The following PCDHA11 variants were observed in gnomAD, a reference collection of about 807,000 sequenced individuals.
PCDHA11 encodes protocadherin alpha-11.
A neutral mutation model predicts 70.3 loss-of-function variants in PCDHA11; 61 were observed. The observed-to-expected ratio is 0.87, with a 90% CI of 0.71 to 1.07. The LOEUF is 1.07. PCDHA11 is among the 50% of genes least tolerant of loss of function. The pLI, the probability that PCDHA11 is intolerant of heterozygous loss-of-function variation, is 0.00. For synonymous variants in PCDHA11, 633 were observed against 555.1 expected (o/e 1.14, Z -1.97); for missense variants, 1,324 against 1,237.5 (o/e 1.07, Z -1.05).
intron 1 of PCDHA11, among the ~76,000 whole-genome samples, chr5:140,938,177 C>A (rs1165477047): frequency 6.6e-6 from 1 of 152,110 alleles, no homozygotes; most frequent in African/African-American, 2.4e-5. Flanking sequence ...AGCTCCTGGG[C>A]TCAAGCAATC....
intron 1 of PCDHA11, among the ~76,000 whole-genome samples, chr5:140,941,246 T>C (rs1332165821): frequency 7.1e-6 from 1 of 141,078 alleles, no homozygotes; most frequent in East Asian, 2.0e-4. Flanking sequence ...TTTCTTTCTT[T>C]CTTTCTTTCT....
intron 3 of PCDHA11, among the ~76,000 whole-genome samples, chr5:140,988,127 C>T (rs1285717954): frequency 2.0e-5 from 3 of 152,120 alleles, no homozygotes; most frequent in African/African-American, 7.2e-5. Flanking sequence ...GCATGCTGTT[C>T]CACTAACCTG....
In PCDHA11 at chr5:140,869,094, T is replaced by C. The variant is rs2050847018; in HGVS notation, c.-10T>C. ...AAAGAAGCTTATTTTGGAAGCCAAT[T>C]TCGTATGCGATGTTTGGTTTTCAGA... On this transcript the variant is annotated 5_prime_UTR_variant, in exon 1 of 4. Coordinates refer to ENST00000398640, the MANE Select transcript of PCDHA11 (RefSeq NM_018902.5). The C allele has an allele frequency of 6.3e-7, 1 of 1,592,284 alleles. No homozygotes were observed. The highest frequency in any genetic ancestry group is 8.6e-7 in the Non-Finnish European group (1 of 1,168,828).
chr5:140,954,488 T>C (rs1270188262), intron 1 of PCDHA11, among the ~76,000 whole-genome samples: 1 of 152,246 alleles, frequency 6.6e-6, no homozygotes, highest in Non-Finnish European at 1.5e-5. Flanking sequence ...AGATATTTCA[T>C]TGTGGTTTTG....
rs781872546 is a variant in PCDHA11 at position 140,871,459 on chromosome 5, G to A, written c.2356G>A (p.Glu786Lys). Residue 786 changes from glutamate (E) to lysine (K), a missense_variant, in exon 1 of 4, where the codon GAA becomes AAA. Glu to Lys is a moderately conservative substitution (Grantham distance 56, BLOSUM62 1). Coordinates refer to ENST00000398640, the MANE Select transcript of PCDHA11 (RefSeq NM_018902.5). The part of the protein sequence containing the change: ...PLGLNKEEEG[E>K]RQEPGSNHPG... ...AGGTCTGAATAAAGAGGAGGAAGGG[G>A]AAAGACAGGAGCCAGGGTCAAATCA... 10 of 1,605,178 alleles carry A rather than the reference G, an allele frequency of 6.2e-6. No homozygotes were observed. The highest frequency in any genetic ancestry group is 1.7e-5 in the Admixed American group (1 of 58,460).
In PCDHA11 at chr5:140,927,952, G is replaced by C. The variant is rs1352026553; in HGVS notation, c.2392-50997G>C. 6 of 1,614,064 alleles carry C rather than the reference G, an allele frequency of 3.7e-6. No homozygotes were observed. In the African/African-American group the frequency reaches 8.0e-5, roughly 22 times the overall value. On this transcript the variant is annotated intron_variant, in intron 1 of 3. Coordinates refer to ENST00000398640, the MANE Select transcript of PCDHA11 (RefSeq NM_018902.5). ...TTCGAACCCAGTACCTGAGGACGCTGCCCCTGGCACAGTGATTGCTCTCTT... is the reference window on the plus strand; with the variant it reads ...TTCGAACCCAGTACCTGAGGACGCTCCCCCTGGCACAGTGATTGCTCTCTT...
intron 1 of PCDHA11, among the ~76,000 whole-genome samples, chr5:140,945,222 A>T (rs1019202574): frequency 4.6e-5 from 7 of 152,260 alleles, no homozygotes; most frequent in Middle Eastern, 6.8e-3. Context: ...AAATAAAAAT[A>T]CTTAGGAATA....
chr5:140,984,426 G>A (rs781888913), intron 3 of PCDHA11, among the ~76,000 whole-genome samples: 2 of 152,160 alleles, frequency 1.3e-5, no homozygotes, highest in South Asian at 2.1e-4. Flanking sequence ...AGATAGAGAA[G>A]GGGATCTCCC....
At position 140,954,715 on chromosome 5, in the gene PCDHA11, G is replaced by A. The variant is rs189929573; in HGVS notation, c.2392-24234G>A. Among the ~76,000 whole-genome samples, 246 of 152,208 alleles carry A rather than the reference G, an allele frequency of 1.6e-3. 8 individuals carry two copies. Among genetic ancestry groups the A allele is most frequent in the Middle Eastern group, 3.4e-3 (1 of 294 alleles). ...GACTACAAAATTTTTCTCCCATTCT[G>A]TAGGTTGTCTTTTCACTCTGATGAT... On this transcript the variant is annotated intron_variant, in intron 1 of 3. Coordinates refer to ENST00000398640, the MANE Select transcript of PCDHA11 (RefSeq NM_018902.5).
chr5:140,883,504 C>A, intron 1 of PCDHA11: 1 of 1,614,172 alleles, frequency 6.2e-7, no homozygotes, highest in Non-Finnish European at 8.5e-7. Context: ...TGGACAGCGC[C>A]CTGGACCGCG....
intron 3 of PCDHA11, among the ~76,000 whole-genome samples, chr5:141,003,770 T>A (rs1365152633): frequency 6.6e-6 from 1 of 152,246 alleles, no homozygotes; most frequent in East Asian, 1.9e-4. Flanking sequence ...TCGTATTCTG[T>A]TAAATAAACT....
In PCDHA11 at chr5:140,885,198, T is replaced by A. The variant is rs531029212; in HGVS notation, c.2391+13704T>A. On this transcript the variant is annotated intron_variant, in intron 1 of 3. Coordinates refer to ENST00000398640, the MANE Select transcript of PCDHA11 (RefSeq NM_018902.5). ...TAGGCACATCAGTGTTCCCCTCTCATATATCCCATGAAAAATATCTTGTGA... is the reference window on the plus strand; with the variant it reads ...TAGGCACATCAGTGTTCCCCTCTCAAATATCCCATGAAAAATATCTTGTGA... Among the ~76,000 whole-genome samples the A allele has an allele frequency of 5.9e-5, 9 of 152,276 alleles. No homozygotes were observed. In the South Asian group the frequency reaches 1.7e-3, roughly 28 times the overall value.
At chr5:140,918,268 A>T (rs1554198508) in intron 1 of PCDHA11, among the ~76,000 whole-genome samples, 2 of 152,084 alleles carry the variant, frequency 1.3e-5, no homozygotes. Context: ...TGGAGGTTTT[A>T]TCAGATGTAG....
At chr5:140,926,973 G>A in intron 1 of PCDHA11, 3 of 1,609,762 alleles carry the variant, frequency 1.9e-6, no homozygotes, top group African/African-American at 1.3e-5. Context: ...ACTCAGTGCC[G>A]GAGGAGACGG....
intron 1 of PCDHA11, among the ~76,000 whole-genome samples, chr5:140,874,171 G>C (rs2054750145): frequency 6.6e-6 from 1 of 152,080 alleles, no homozygotes; most frequent in Admixed American, 6.5e-5. Flanking sequence ...ACTCTTTCCT[G>C]GTGTTGTAAA....
At chr5:140,926,754 C>G in intron 1 of PCDHA11, 1 of 1,283,492 alleles carries the variant, frequency 7.8e-7, no homozygotes, top group South Asian at 2.2e-5. Flanking sequence ...TCGGCGGTCG[C>G]TGAGTATCCA....
In PCDHA11 at chr5:140,979,019, C is replaced by T; in HGVS notation, c.2450+12C>T. On this transcript the variant is annotated intron_variant, in intron 2 of 3. Coordinates refer to ENST00000398640, the MANE Select transcript of PCDHA11 (RefSeq NM_018902.5). ...GCAGGCATGCACAGGTATGTATTTC[C>T]CTCCTCATTCACTCAGAAGTAACCT... 1 of 1,613,662 alleles carries T rather than the reference C, an allele frequency of 6.2e-7. No individual in the cohort carries two copies. Among genetic ancestry groups the T allele is most frequent in the South Asian group, 1.1e-5 (1 of 90,910 alleles).
At position 140,869,294 on chromosome 5, in the gene PCDHA11, T is replaced by C; in HGVS notation, c.191T>C (p.Phe64Ser). The C allele has an allele frequency of 1.9e-6, 3 of 1,613,634 alleles. No homozygotes were observed. Among genetic ancestry groups the C allele is most frequent in the Non-Finnish European group, 1.7e-6 (2 of 1,179,970 alleles). Residue 64 changes from phenylalanine (F) to serine (S), a missense_variant, in exon 1 of 4, where the codon TTC (phenylalanine) becomes TCC (serine). Transcript: ENST00000398640. ...CTGGCGGAGCTGGTGCAGCGCCTGT[T>C]CCGGGTGGCGTCCAAAACACATGGG... ...LELAELVQRL[F>S]RVASKTHGDL... is the part of the protein sequence containing the mutation.
intron 1 of PCDHA11, among the ~76,000 whole-genome samples, chr5:140,914,575 A>G (rs2076765762): frequency 2.0e-5 from 3 of 152,018 alleles, no homozygotes; most frequent in African/African-American, 7.2e-5. Context: ...TTTACATTCA[A>G]TAATTTCATT....
Sources: gnomAD v4.1 joint callset for allele counts (sites outside exome capture counted in the v4.1 genomes callset) on GRCh38, gnomAD v4.1.1 for gene constraint, MANE v1.5 for transcripts, NCBI Gene and HGNC (gene_info 2026-07-23, HGNC 2026-07-21) for gene names.